The following RAB41 variants were observed in gnomAD, a reference collection of about 807,000 sequenced individuals.
RAB41 encodes ras-related protein Rab-41.
Under a neutral mutation model 19.0 loss-of-function variants are expected in RAB41, and 15 were observed. That is an observed-to-expected ratio of 0.79 (90% confidence interval 0.53 to 1.21). The LOEUF (loss-of-function observed/expected upper bound fraction) is 1.21, where lower values mean the gene tolerates loss of function less well. Among genes scored for constraint, RAB41 ranks in the 50% most tolerant of loss-of-function variants. The probability of loss-of-function intolerance (pLI) is 0.00; values close to 1 mark genes in which losing one functional copy is unlikely to be tolerated. For synonymous variants in RAB41, 73 were observed against 64.7 expected (o/e 1.13, Z -0.62); for missense variants, 177 against 179.7 (o/e 0.99, Z 0.09).
rs1250102462 is a variant in RAB41, at chrX:70,283,404, G to T, written c.343+31G>T. 8 of 1,141,471 alleles carry T rather than the reference G, an allele frequency of 7.0e-6. No individual in the cohort carries two copies. The African/African-American group carries it at 1.4e-4, about 20-fold the overall frequency. The allele number at this position is 1,141,471 out of a possible 1,213,427, so 94.1% of individuals were successfully genotyped here. A position where few individuals can be genotyped will look rare whatever the true frequency, so the allele number is the denominator to read the frequency against. On this transcript the variant is annotated intron_variant, in intron 4 of 7. Transcript: ENST00000374473. Reference sequence around the variant, plus strand: ...TGTTATGCAATGTTTTATTTGAAAAGGGGATTATAAAGGGATTGATAGGGA... The same window carrying T: ...TGTTATGCAATGTTTTATTTGAAAATGGGATTATAAAGGGATTGATAGGGA...
chrX:70,283,776 T>C (rs2085702834), intron 5 of RAB41, 152 bp downstream of exon 5: 3 of 539,435 alleles, frequency 5.6e-6, no homozygotes, highest in Non-Finnish European at 9.5e-6. Flanking sequence ...GGGCGTCCCA[T>C]CAGGGCACAA....
chrX:70,282,620 A>G, intron 2 of RAB41, 29 bp downstream of exon 2: 1 of 1,181,330 alleles, frequency 8.5e-7, no homozygotes, highest in Admixed American at 2.2e-5. Context: ...CATATGGTAC[A>G]TTTTTGCCAC....
chrX:70,283,371 C>T lies in RAB41; in HGVS notation c.341C>T (p.Thr114Ile), dbSNP rs61752445. The T allele has an allele frequency of 1.2e-4, 148 of 1,185,428 alleles. No homozygotes were observed. Among genetic ancestry groups the T allele is most frequent in the Non-Finnish European group, 1.7e-4 (145 of 872,898 alleles). Residue 114 changes from threonine to isoleucine, a missense_variant and splice_region_variant, in exon 4 of 8, where the codon ACA (threonine) becomes ATA (isoleucine). Thr to Ile is a moderately conservative substitution (Grantham distance 89). Transcript: ENST00000374473. ...STIAVVVYDI[T>I]NINSFKETDK... is the part of the protein sequence containing the mutation. ...ATTGCAGTGGTTGTCTATGACATTA[C>T]AAGTGGGTGTTATGCAATGTTTTAT...
At chrX:70,282,443 T>C (rs1459669378) in intron 1 of RAB41, 90 bp from the exon 2 acceptor site, 1 of 1,162,714 alleles carries the variant, frequency 8.6e-7, no homozygotes, top group African/African-American at 1.8e-5. Context: ...TGGGAAAGAT[T>C]GGAGTTGGAG....
intron 6 of RAB41, 71 bp from the exon 7 acceptor site, chrX:70,284,195 C>T (rs2147647762): frequency 8.9e-7 from 1 of 1,126,959 alleles, no homozygotes; most frequent in African/African-American, 1.8e-5. Context: ...CTGAATTATC[C>T]TAGCCTCTGA....
chrX:70,283,964 A>G lies in RAB41; in HGVS notation c.470A>G (p.Glu157Gly). Residue 157 changes from glutamate (E) to glycine (G), a missense_variant, in exon 6 of 8, where the codon GAA (glutamate) becomes GGA (glycine). Coordinates refer to ENST00000374473, the MANE Select transcript of RAB41 (RefSeq NM_001363807.1). ...DLDNKRQVTA[E>G]QGEEKSRNLN... The stretch of plus-strand genomic sequence containing the variant: ...GATTCGTCCAGACAAGTCACTGCAG[A>G]ACAGGGTGAAGAAAAATCCAGAAAC... 2 of 1,205,497 alleles carry G rather than the reference A, an allele frequency of 1.7e-6. No individual in the cohort carries two copies. The highest frequency in any genetic ancestry group is 2.2e-6 in the Non-Finnish European group (2 of 889,845).
chrX:70,283,120 C>T, intron 3 of RAB41, 148 bp from the exon 4 acceptor site: 1 of 506,869 alleles, frequency 2.0e-6, no homozygotes, highest in South Asian at 3.2e-5. Context: ...GGACTATAGG[C>T]CATTTGGTCT....
chrX:70,283,668 T>A (rs1445777789), intron 5 of RAB41, 44 bp downstream of exon 5: 6 of 940,894 alleles, frequency 6.4e-6, no homozygotes, highest in Non-Finnish European at 9.2e-6. Context: ...TAAAATTCAG[T>A]CTCTATGGGG....
chrX:70,284,696 C>A lies in RAB41; in HGVS notation c.*53C>A. 1.0e-6 allele frequency: 1 copy of A among 989,487 alleles called. No individual in the cohort carries two copies. Among genetic ancestry groups the A allele is most frequent in the Non-Finnish European group, 1.4e-6 (1 of 693,927 alleles). The allele number at this position is 989,487 out of a possible 1,213,427, so 81.5% of individuals were successfully genotyped here. A position where few individuals can be genotyped will look rare whatever the true frequency, so the allele number is the denominator to read the frequency against. ...ATGGATTTCTTACATTTGGGCTTGCCATACCAGTTCTCCTCCCCACCTCGT... is the reference window on the plus strand; with the variant it reads ...ATGGATTTCTTACATTTGGGCTTGCAATACCAGTTCTCCTCCCCACCTCGT... On this transcript the variant is annotated 3_prime_UTR_variant, in exon 8 of 8. Coordinates refer to ENST00000374473, the MANE Select transcript of RAB41 (RefSeq NM_001363807.1).
intron 7 of RAB41, 98 bp downstream of exon 7, chrX:70,284,427 A>G: frequency 9.8e-7 from 1 of 1,015,254 alleles, no homozygotes; most frequent in African/African-American, 1.9e-5. Context: ...TAAGGGGAAA[A>G]TGGGACTAAC....
At chrX:70,284,190 T>C in intron 6 of RAB41, 76 bp from the exon 7 acceptor site, 1 of 1,119,227 alleles carries the variant, frequency 8.9e-7, no homozygotes, top group Admixed American at 2.3e-5. Flanking sequence ...AGGCCCTGAA[T>C]TATCCTAGCC....
rs145142471 is a variant in RAB41 at position 70,282,281 on chromosome X, G to A, written c.64G>A (p.Glu22Lys). ...EAGGFGLEAA[E>K]RTEYQSLCKS... is the part of the protein sequence containing the mutation. ...CGGAGGCTTTGGTCTGGAGGCTGCCGAAAGAACGGAATACCAGTCTCTGTG... is the reference window on the plus strand; with the variant it reads ...CGGAGGCTTTGGTCTGGAGGCTGCCAAAAGAACGGAATACCAGTCTCTGTG... Residue 22 changes from glutamate (E) to lysine (K), a missense_variant, in exon 1 of 8, where the codon GAA becomes AAA. By Grantham distance (56) the Glu-to-Lys change is moderately conservative. Coordinates refer to ENST00000374473, the MANE Select transcript of RAB41 (RefSeq NM_001363807.1). The A allele has an allele frequency of 1.9e-5, 23 of 1,210,175 alleles. No homozygotes were observed. In the African/African-American group the frequency reaches 2.3e-4, roughly 12 times the overall value.
At chrX:70,283,488 C>T (rs780450146) in intron 4 of RAB41, 25 bp from the exon 5 acceptor site, 86 of 1,143,360 alleles carry the variant, frequency 7.5e-5, no homozygotes, top group Non-Finnish European at 9.6e-5. Context: ...AATGTTTCAA[C>T]GCTCTGGAAC....
Position 70,282,588 on chromosome X carries a change from C to T in RAB41, c.180C>T (p.Cys60=). The change falls in exon 2 of 8, where the codon TGC becomes TGT. Residue 60 remains cysteine (C), a synonymous_variant. Transcript: ENST00000374473. The part of the protein sequence containing the change: ...RFMYNSFGCA[C]QATVGIDFLS... ...TGTACAACAGCTTCGGCTGCGCCTG[C>T]CAGGTAAGACCACCACCGAGTCATA... The T allele has an allele frequency of 8.3e-7, 1 of 1,206,679 alleles. No homozygotes were observed. Among genetic ancestry groups the T allele is most frequent in the Non-Finnish European group, 1.1e-6 (1 of 891,118 alleles).
At chrX:70,282,613 A>G in intron 2 of RAB41, 22 bp downstream of exon 2, 1 of 1,196,717 alleles carries the variant, frequency 8.4e-7, no homozygotes, top group Non-Finnish European at 1.1e-6. Context: ...ACCGAGTCAT[A>G]TGGTACATTT....
chrX:70,284,061 C>T lies in RAB41; in HGVS notation c.549+18C>T, dbSNP rs1368231747. The T allele has an allele frequency of 9.2e-7, 1 of 1,083,468 alleles. No individual in the cohort carries two copies. Among genetic ancestry groups the T allele is most frequent in the Admixed American group, 2.2e-5 (1 of 45,703 alleles). The allele number at this position is 1,083,468 out of a possible 1,213,427, so 89.3% of individuals were successfully genotyped here. On this transcript the variant is annotated intron_variant, in intron 6 of 7. Coordinates refer to ENST00000374473, the MANE Select transcript of RAB41 (RefSeq NM_001363807.1). ...TGAAAAAGGTAATACTTGTTTCTTT[C>T]TATGATACTTTAATTGTGCTCTGTC... is the stretch of plus-strand genomic sequence containing the variant.
chrX:70,282,509 T>C (rs374020047), intron 1 of RAB41, 24 bp from the exon 2 acceptor site: 4 of 1,206,928 alleles, frequency 3.3e-6, no homozygotes, highest in African/African-American at 3.5e-5. Flanking sequence ...AGGGCGACGA[T>C]TGGCCTGCTT....
At position 70,284,613 on chromosome X, in the gene RAB41, C is replaced by T. The variant is rs373221632; in HGVS notation, c.639C>T (p.Phe213=). 58 of 1,207,699 alleles carry T rather than the reference C, an allele frequency of 4.8e-5. No homozygotes were observed. The East Asian group carries it at 5.9e-4, about 12-fold the overall frequency. The change falls in exon 8 of 8, where the codon TTC becomes TTT. Residue 213 remains phenylalanine (F), a synonymous_variant. Transcript: ENST00000374473. ...EGTVEIELES[F]EESGNRSYC ...CGGTTGAAATCGAACTGGAATCCTT[C>T]GAGGAGTCAGGCAACAGAAGCTATT...
rs762193575 is a variant in RAB41, at chrX:70,283,555, T to G, written c.386T>G (p.Val129Gly). 4 of 1,210,186 alleles carry G rather than the reference T, an allele frequency of 3.3e-6. No homozygotes were observed. The highest frequency in any genetic ancestry group is 4.5e-6 in the Non-Finnish European group (4 of 893,997). The change falls in exon 5 of 8, where the codon GTG becomes GGG. Residue 129 changes from valine (V) to glycine (G), a missense_variant. Transcript: ENST00000374473. ...GAGACAGATAAGTGGGTAGAACACG[T>G]GCGAGCAGAAAGAGGTGACGATGTT... ...FKETDKWVEH[V>G]RAERGDDVVI...
Sources: gnomAD v4.1 joint callset for allele counts on GRCh38, gnomAD v4.1.1 for gene constraint, MANE v1.5 for transcripts, NCBI Gene and HGNC (gene_info 2026-07-23, HGNC 2026-07-21) for gene names.